The following HECW1 variants were observed in gnomAD, a reference collection of about 807,000 sequenced individuals.
The protein encoded by HECW1 is HECT, C2 and WW domain containing E3 ubiquitin protein ligase 1.
HECW1 carries 61 observed loss-of-function variants against 182.3 expected under a neutral mutation model. The observed-to-expected ratio is 0.33, with a 90% CI of 0.27 to 0.41. The LOEUF (loss-of-function observed/expected upper bound fraction) is 0.41, where lower values mean the gene tolerates loss of function less well. HECW1 is among the 10% of genes least tolerant of loss of function. The probability of loss-of-function intolerance (pLI) is 1.00; values close to 1 mark genes in which losing one functional copy is unlikely to be tolerated. For missense variants in HECW1, 1,739 were observed against 2,108.9 expected (o/e 0.82, Z 3.44); for synonymous variants, 859 against 832.6 (o/e 1.03, Z -0.55).
chr7:43,504,672 C>T (rs1361906604), intron 21 of HECW1, among the ~76,000 whole-genome samples: 2 of 152,140 alleles, frequency 1.3e-5, no homozygotes, highest in African/African-American at 4.8e-5. Flanking sequence ...CCTTGAACAC[C>T]CAAAGGAAAA....
rs1485662512 is a variant in HECW1 at position 43,562,810 on chromosome 7, G to C, written c.*884G>C. 4.6e-6 allele frequency: 1 copy of C among 216,646 alleles called. No individual in the cohort carries two copies. The highest frequency in any genetic ancestry group is 9.3e-6 in the Non-Finnish European group (1 of 107,666). The allele number at this position is 216,646 out of a possible 1,614,324, so 13.4% of individuals were successfully genotyped here. ...ATGTAGAATGTGGCAATGCCAACTGGAGAAAGGGAAGAAGGACATATTACC... is the reference window on the plus strand; with the variant it reads ...ATGTAGAATGTGGCAATGCCAACTGCAGAAAGGGAAGAAGGACATATTACC... On this transcript the variant is annotated 3_prime_UTR_variant, in exon 30 of 30. Coordinates refer to ENST00000395891, the MANE Select transcript of HECW1 (RefSeq NM_015052.5).
intron 24 of HECW1, among the ~76,000 whole-genome samples, chr7:43,512,948 C>A (rs920636023): frequency 1.4e-4 from 22 of 152,174 alleles, no homozygotes; most frequent in African/African-American, 5.3e-4. Context: ...CCTTCGCTGA[C>A]CTTCTTCTGC....
Position 43,549,932 on chromosome 7 carries a change from T to C in HECW1, c.4249-513T>C, listed in dbSNP as rs899231584. Among the ~76,000 whole-genome samples, 69 of 152,156 alleles carry C rather than the reference T, an allele frequency of 4.5e-4. 1 individual carries two copies. The highest frequency in any genetic ancestry group is 8.8e-5 in the Non-Finnish European group (6 of 68,026). On this transcript the variant is annotated intron_variant, in intron 26 of 29. Transcript: ENST00000395891. The stretch of plus-strand genomic sequence containing the variant: ...TTTCCTTTTATTTCCATTATGCCTC[T>C]TGAGTATAGGAAACTTGTTTCCTCT...
chr7:43,403,075 T>A (rs1403257904), intron 7 of HECW1, among the ~76,000 whole-genome samples: 1 of 152,240 alleles, frequency 6.6e-6, no homozygotes, highest in East Asian at 1.9e-4. Context: ...CATGGGAACA[T>A]CCTTATGATG....
At chr7:43,493,411 T>C (rs2079006525) in intron 19 of HECW1, among the ~76,000 whole-genome samples, 2 of 152,178 alleles carry the variant, frequency 1.3e-5, no homozygotes, top group Admixed American at 1.3e-4. Context: ...GGTACTGAAA[T>C]GATTTCCATT....
intron 2 of HECW1, among the ~76,000 whole-genome samples, chr7:43,153,229 T>C (rs920789629): frequency 2.0e-5 from 3 of 152,212 alleles, no homozygotes; most frequent in African/African-American, 7.2e-5. Flanking sequence ...GATTGTTTCA[T>C]TGTCATTATT....
At chr7:43,234,668 T>C (rs1798161032) in intron 2 of HECW1, among the ~76,000 whole-genome samples, 1 of 152,140 alleles carries the variant, frequency 6.6e-6, no homozygotes, top group Non-Finnish European at 1.5e-5. Context: ...CATTTCTCAT[T>C]TGTTATTTCT....
At chr7:43,347,230 A>G (rs1813800416) in intron 5 of HECW1, among the ~76,000 whole-genome samples, 2 of 150,880 alleles carry the variant, frequency 1.3e-5, no homozygotes, top group African/African-American at 2.4e-5. Flanking sequence ...GTATATTCCT[A>G]AGGTTTTTTA....
intron 4 of HECW1, among the ~76,000 whole-genome samples, chr7:43,319,073 T>C (rs1809692900): frequency 6.6e-6 from 1 of 152,100 alleles, no homozygotes; most frequent in Admixed American, 6.5e-5. Context: ...ATGCCGCATT[T>C]CTCTCCAGGC....
At chr7:43,310,124 TAGCCCACTTA>T (rs1562816558) in intron 3 of HECW1, among the ~76,000 whole-genome samples, 3 of 152,228 alleles carry the variant, frequency 2.0e-5, no homozygotes, top group Admixed American at 2.0e-4. Flanking sequence ...AAGATGGTAT[TAGCCCACTTA>T]AAGTATGTGG....
chr7:43,451,065 C>G (rs1211918129), intron 12 of HECW1, 136 bp downstream of exon 12: 4 of 625,504 alleles, frequency 6.4e-6, no homozygotes, highest in Non-Finnish European at 1.1e-5. Context: ...CAATATGACA[C>G]CTGCTCTAAA....
chr7:43,479,049 G>A (rs577049925), intron 16 of HECW1, among the ~76,000 whole-genome samples: 4 of 152,194 alleles, frequency 2.6e-5, no homozygotes, highest in African/African-American at 9.6e-5. Context: ...TTTATGGAAG[G>A]CAATTTTTCC....
chr7:43,489,731 G>GCAT (rs2078857587), intron 17 of HECW1, among the ~76,000 whole-genome samples: 1 of 152,258 alleles, frequency 6.6e-6, no homozygotes, highest in Non-Finnish European at 1.5e-5. Context: ...GCCCCTGTCT[G>GCAT]CATACAAAGG....
At chr7:43,541,102 C>G (rs2081348593) in intron 24 of HECW1, 61 bp from the exon 25 acceptor site, 1 of 1,340,156 alleles carries the variant, frequency 7.5e-7, no homozygotes, top group Non-Finnish European at 1.1e-6. Flanking sequence ...AAAGTGCAAA[C>G]TAAAATATTT....
chr7:43,444,167 C>T lies in HECW1; in HGVS notation c.1046-51C>T. The T allele has an allele frequency of 6.5e-7, 1 of 1,538,770 alleles. No homozygotes were observed. The highest frequency in any genetic ancestry group is 8.8e-7 in the Non-Finnish European group (1 of 1,135,608). The stretch of plus-strand genomic sequence containing the variant: ...ACATGTCCCACAGGGTATCCTAACA[C>T]CACAATGCTCTCTTCTGGGAGAAAT... On this transcript the variant is annotated intron_variant, in intron 10 of 29. Transcript: ENST00000395891. This position sits in a 1 kb window ranked among gnomAD's most constrained non-coding sequence, Gnocchi z 4.3.
At chr7:43,465,021 C>T (rs2152895718) in intron 14 of HECW1, among the ~76,000 whole-genome samples, 1 of 152,090 alleles carries the variant, frequency 6.6e-6, no homozygotes, top group South Asian at 2.1e-4. Flanking sequence ...AGGCTGGTCT[C>T]AAATTCCTGG....
At chr7:43,487,475 T>A (rs1461421335) in intron 17 of HECW1, among the ~76,000 whole-genome samples, 1 of 152,202 alleles carries the variant, frequency 6.6e-6, no homozygotes, top group Admixed American at 6.5e-5. Flanking sequence ...TGTTGCAGCA[T>A]GTCTGGGGAA....
chr7:43,168,726 G>T (rs1791384637), intron 2 of HECW1, among the ~76,000 whole-genome samples: 1 of 152,140 alleles, frequency 6.6e-6, no homozygotes, highest in Non-Finnish European at 1.5e-5. Flanking sequence ...CACATACATA[G>T]ACAGACACAA....
chr7:43,176,478 A>G (rs1792258679), intron 2 of HECW1, among the ~76,000 whole-genome samples: 2 of 152,230 alleles, frequency 1.3e-5, no homozygotes, highest in Non-Finnish European at 2.9e-5. Context: ...TGGGAAGCCC[A>G]AAGTTGAGGG....
Sources: gnomAD v4.1 joint callset for allele counts (sites outside exome capture counted in the v4.1 genomes callset) on GRCh38, gnomAD v4.1.1 for gene constraint, Gnocchi (gnomAD v3.1) non-coding constraint, MANE v1.5 for transcripts, NCBI Gene and HGNC (gene_info 2026-07-23, HGNC 2026-07-21) for gene names.